The following DSCAM variants were observed in gnomAD, a reference collection of about 807,000 sequenced individuals.
DSCAM encodes cell adhesion molecule DSCAM.
Under a neutral mutation model 217.7 loss-of-function variants are expected in DSCAM, and 47 were observed. The ratio of observed to expected loss-of-function variants is 0.22; its 90% CI spans 0.17 to 0.28. DSCAM has a LOEUF of 0.28. Among genes scored for constraint, DSCAM ranks in the 10% least tolerant of loss-of-function variants. DSCAM has a pLI of 1.00. For synonymous variants in DSCAM, 1,056 were observed against 1,015.3 expected (o/e 1.04, Z -0.76); for missense variants, 2,080 against 2,618.3 (o/e 0.79, Z 4.49).
rs751236680 is a variant in DSCAM at position 40,189,033 on chromosome 21, T to C, written c.2553+9A>G. ...TCATTCCATTGTGTTGTATTTGCCA[T>C]GCTTTTACCTGCAGAGTAGAAATCA... On this transcript the variant is annotated intron_variant, in intron 12 of 32. Transcript: ENST00000400454. 6.2e-7 allele frequency: 1 copy of C among 1,613,916 alleles called. No individual in the cohort carries two copies. Among genetic ancestry groups the C allele is most frequent in the African/African-American group, 1.3e-5 (1 of 75,048 alleles).
At chr21:40,188,915 G>T in intron 12 of DSCAM, 127 bp downstream of exon 12, 1 of 946,452 alleles carries the variant, frequency 1.1e-6, no homozygotes, top group Non-Finnish European at 1.6e-6. Context: ...AAAGGGGAGA[G>T]AAATAGTGCT....
chr21:40,670,977 A>C (rs895714338), intron 3 of DSCAM, among the ~76,000 whole-genome samples: 8 of 152,200 alleles, frequency 5.3e-5, no homozygotes, highest in African/African-American at 1.9e-4. Context: ...AAAATATTGT[A>C]ATCAGATTAT....
At chr21:40,792,137 C>CTTTTTT (rs67838146) in intron 1 of DSCAM, among the ~76,000 whole-genome samples, 41 of 118,588 alleles carry the variant, frequency 3.5e-4, no homozygotes, top group African/African-American at 5.6e-4. Flanking sequence ...TCTTCTTCTT[C>CTTTTTT]TTTTTTTTTT....
chr21:40,810,381 G>A (rs2091827588), intron 1 of DSCAM, among the ~76,000 whole-genome samples: 1 of 152,232 alleles, frequency 6.6e-6, no homozygotes, highest in Non-Finnish European at 1.5e-5. Context: ...GAGAAGTCAT[G>A]TAAAAAGAGA....
rs1327771614 is a variant in DSCAM at position 40,027,279 on chromosome 21, A to T, written c.5687-13893T>A. Among the ~76,000 whole-genome samples the T allele has an allele frequency of 4.6e-5, 7 of 152,414 alleles. No individual in the cohort carries two copies. In the East Asian group the frequency reaches 1.3e-3, roughly 29 times the overall value. On this transcript the variant is annotated intron_variant, in intron 32 of 32. Coordinates refer to ENST00000400454, the MANE Select transcript of DSCAM (RefSeq NM_001389.5). Reference sequence around the variant, plus strand: ...TCTGATGGGCTTCCCTTTGAGGGTAACCCGACCTTTCTCTCTGGCTGCCCT... The same window carrying T: ...TCTGATGGGCTTCCCTTTGAGGGTATCCCGACCTTTCTCTCTGGCTGCCCT...
chr21:40,423,347 A>C (rs2075442522), intron 3 of DSCAM, among the ~76,000 whole-genome samples: 1 of 148,184 alleles, frequency 6.7e-6, no homozygotes, highest in Non-Finnish European at 1.5e-5. Context: ...CATTATCCAC[A>C]ACGAGAGAGA....
At chr21:40,403,422 C>T (rs1313801378) in intron 3 of DSCAM, among the ~76,000 whole-genome samples, 1 of 152,014 alleles carries the variant, frequency 6.6e-6, no homozygotes, top group Admixed American at 6.6e-5. Flanking sequence ...CTCAGTATCC[C>T]ATGTAGCTGG....
chr21:40,294,523 CTGG>C, intron 10 of DSCAM, among the ~76,000 whole-genome samples: 1 of 152,318 alleles, frequency 6.6e-6, no homozygotes, highest in Non-Finnish European at 1.5e-5. Context: ...TTGTATATGG[CTGG>C]TGCCTTTTCA....
chr21:40,189,788 T>C (rs973337362), intron 11 of DSCAM, among the ~76,000 whole-genome samples: 5 of 152,214 alleles, frequency 3.3e-5, no homozygotes, highest in Admixed American at 1.3e-4. Flanking sequence ...CCTTCCATCA[T>C]GGTCATGAGG....
chr21:40,452,910 A>C (rs1396135625), intron 3 of DSCAM, among the ~76,000 whole-genome samples: 2 of 152,190 alleles, frequency 1.3e-5, no homozygotes, highest in Non-Finnish European at 2.9e-5. Context: ...TTGTTGAATT[A>C]GACATAATTA....
chr21:40,323,396 C>T (rs2074281862), intron 8 of DSCAM, among the ~76,000 whole-genome samples: 1 of 152,186 alleles, frequency 6.6e-6, no homozygotes, highest in African/African-American at 2.4e-5. Flanking sequence ...ATTCACATTA[C>T]TTTAACTCAT....
intron 3 of DSCAM, among the ~76,000 whole-genome samples, chr21:40,551,955 C>T (rs2076633299): frequency 1.3e-5 from 2 of 152,102 alleles, no homozygotes; most frequent in Non-Finnish European, 2.9e-5. Context: ...GGGGCTTAGA[C>T]TTGTATTTTT....
At chr21:40,679,409 G>A (rs1013974516) in intron 3 of DSCAM, among the ~76,000 whole-genome samples, 1 of 152,206 alleles carries the variant, frequency 6.6e-6, no homozygotes, top group African/African-American at 2.4e-5. Flanking sequence ...ATCTTCTAGA[G>A]AGGGAGAATT....
intron 18 of DSCAM, among the ~76,000 whole-genome samples, chr21:40,142,260 G>T (rs1227301239): frequency 6.6e-6 from 1 of 152,130 alleles, no homozygotes; most frequent in East Asian, 1.9e-4. Context: ...AGAGATGGAG[G>T]TTTTGGTGCT....
chr21:40,832,255 C>T (rs1054886999), intron 1 of DSCAM, among the ~76,000 whole-genome samples: 8 of 152,166 alleles, frequency 5.3e-5, no homozygotes, highest in African/African-American at 1.9e-4. Context: ...ATCATAAATT[C>T]AAGCTATTGT....
intron 18 of DSCAM, among the ~76,000 whole-genome samples, chr21:40,139,043 TTGTG>T (rs758697867): frequency 8.5e-5 from 12 of 141,624 alleles, no homozygotes; most frequent in South Asian, 4.6e-4. Flanking sequence ...GTAGTGTGTG[TTGTG>T]TGTGTGTGTA....
At chr21:40,586,616 GCT>G (rs1212469964) in intron 3 of DSCAM, among the ~76,000 whole-genome samples, 6 of 152,182 alleles carry the variant, frequency 3.9e-5, no homozygotes, top group African/African-American at 1.2e-4. Context: ...TTCCTGACCA[GCT>G]TCCAAGTGAT....
chr21:40,217,350 T>C (rs2837510), intron 11 of DSCAM, among the ~76,000 whole-genome samples: 68,528 of 152,088 alleles, frequency 0.45, 16,489 homozygotes, highest in East Asian at 0.57. Flanking sequence ...AAGATATGAT[T>C]TCTGAGCCTT....
intron 3 of DSCAM, among the ~76,000 whole-genome samples, chr21:40,623,230 G>A (rs2089546818): frequency 5.1e-5 from 4 of 78,934 alleles, no homozygotes; most frequent in African/African-American, 2.3e-4. Flanking sequence ...ATATTTTGAA[G>A]CTATTCAGAA....
Sources: gnomAD v4.1 joint callset for allele counts (sites outside exome capture counted in the v4.1 genomes callset) on GRCh38, gnomAD v4.1.1 for gene constraint, MANE v1.5 for transcripts, NCBI Gene and HGNC (gene_info 2026-07-23, HGNC 2026-07-21) for gene names.